ADAM10: variants seen among roughly 807,000 people sequenced by gnomAD.
ADAM10 encodes the protein disintegrin and metalloproteinase domain-containing protein 10.
ADAM10 carries 17 observed loss-of-function variants against 90.1 expected under a neutral mutation model. That is an observed-to-expected ratio of 0.19 (90% CI 0.13 to 0.28). The LOEUF (loss-of-function observed/expected upper bound fraction) is 0.28, where lower values mean the gene tolerates loss of function less well. ADAM10 is among the 10% of genes least tolerant of loss of function. The pLI is 1.00. For missense variants in ADAM10, 610 were observed against 914.3 expected (o/e 0.67, Z 4.29); for synonymous variants, 310 against 298.6 (o/e 1.04, Z -0.40).
At chr15:58,702,067 T>C (rs144510251) in intron 2 of ADAM10, among the ~76,000 whole-genome samples, 51 of 151,992 alleles carry the variant, frequency 3.4e-4, no homozygotes, top group African/African-American at 9.4e-4. Context: ...GATCGCACCA[T>C]TGCACTCCAG....
At chr15:58,696,821 G>A (rs1490737680) in intron 2 of ADAM10, among the ~76,000 whole-genome samples, 3 of 152,048 alleles carry the variant, frequency 2.0e-5, no homozygotes, top group African/African-American at 4.8e-5. Flanking sequence ...GCTGCCTGGG[G>A]ACCACACGAT....
intron 2 of ADAM10, among the ~76,000 whole-genome samples, chr15:58,683,904 T>C (rs1897517203): frequency 7.0e-6 from 1 of 142,514 alleles, no homozygotes; most frequent in Admixed American, 6.9e-5. Context: ...TATAAAGTCA[T>C]CCCTCAGTAT....
intron 2 of ADAM10, among the ~76,000 whole-genome samples, chr15:58,716,379 A>G (rs1227196148): frequency 6.6e-6 from 1 of 152,220 alleles, no homozygotes; most frequent in Non-Finnish European, 1.5e-5. Flanking sequence ...AATGATTCAG[A>G]TAAGTAACTT....
chr15:58,644,226 CTTTTTTTGTTTT>C (rs1199674015), intron 6 of ADAM10, among the ~76,000 whole-genome samples: 4 of 144,820 alleles, frequency 2.8e-5, no homozygotes, highest in South Asian at 2.2e-4. Context: ...TTTTTTTTTT[CTTTTTTTGTTTT>C]TTTTTTTGGA....
At chr15:58,628,245 T>C (rs191396211) in intron 9 of ADAM10, among the ~76,000 whole-genome samples, 4 of 152,088 alleles carry the variant, frequency 2.6e-5, no homozygotes, top group Non-Finnish European at 5.9e-5. Context: ...CTAACACATA[T>C]GTTAAATTAC....
At chr15:58,686,431 G>A (rs1897604680) in intron 2 of ADAM10, 18 of 1,347,040 alleles carry the variant, frequency 1.3e-5, no homozygotes, top group Middle Eastern at 1.8e-4. Context: ...GGGCTAGCGC[G>A]AGCGCCCTGC....
chr15:58,645,972 ACACT>A (rs1235052409), intron 6 of ADAM10, 79 bp downstream of exon 6: 1 of 1,460,560 alleles, frequency 6.8e-7, no homozygotes, highest in Non-Finnish European at 9.5e-7. Context: ...AAAAGAGAAT[ACACT>A]AACTTAAATT....
At position 58,623,503 on chromosome 15, in the gene ADAM10, T is replaced by G. The variant is rs192504358; in HGVS notation, c.1361-1882A>C. ...TCCCTGTTTCACTTTAAACCATCTCTTTCGTTCTCAAAAACCAGAAGCATG... is the reference window on the plus strand; with the variant it reads ...TCCCTGTTTCACTTTAAACCATCTCGTTCGTTCTCAAAAACCAGAAGCATG... On this transcript the variant is annotated intron_variant, in intron 10 of 15. Coordinates refer to ENST00000260408, the MANE Select transcript of ADAM10 (RefSeq NM_001110.4). Among the ~76,000 whole-genome samples the G allele has an allele frequency of 4.7e-4, 72 of 152,278 alleles. No individual in the cohort carries two copies. In the East Asian group the frequency reaches 9.8e-3, roughly 21 times the overall value.
intron 14 of ADAM10, among the ~76,000 whole-genome samples, chr15:58,607,105 G>A (rs1308437176): frequency 6.6e-6 from 1 of 152,172 alleles, no homozygotes; most frequent in African/African-American, 2.4e-5. Flanking sequence ...CTTAGCTTCT[G>A]AGCCATACAG....
intron 4 of ADAM10, among the ~76,000 whole-genome samples, chr15:58,670,303 G>C (rs1897165355): frequency 6.6e-6 from 1 of 152,018 alleles, no homozygotes; most frequent in South Asian, 2.1e-4. Context: ...ATAGGTGTAA[G>C]AGTATAAATC....
intron 2 of ADAM10, among the ~76,000 whole-genome samples, chr15:58,699,728 A>C (rs1293694499): frequency 6.6e-6 from 1 of 152,156 alleles, no homozygotes; most frequent in East Asian, 1.9e-4. Flanking sequence ...GCCATGTGTG[A>C]TTGCACCACT....
At position 58,592,899 on chromosome 15, in the gene ADAM10, G is replaced by A. The variant is rs1894854190; in HGVS notation, c.*4648C>T. On this transcript the variant is annotated 3_prime_UTR_variant, in exon 16 of 16. Transcript: ENST00000260408. ...GGAATTAATTTCATTATTAGGCTGA[G>A]GATTTTCCTAAGAATTGTTTAAAAT... 1.3e-5 allele frequency: 2 copies of A among 150,352 alleles called. No homozygotes were observed. Among genetic ancestry groups the A allele is most frequent in the African/African-American group, 4.9e-5 (2 of 41,134 alleles). 9.3% of individuals were successfully genotyped at this position (150,352 alleles called of 1,614,324 possible). A position where few individuals can be genotyped will look rare whatever the true frequency, so the allele number is the denominator to read the frequency against.
intron 10 of ADAM10, among the ~76,000 whole-genome samples, chr15:58,623,275 G>C (rs966084698): frequency 2.0e-5 from 3 of 152,152 alleles, no homozygotes; most frequent in Admixed American, 1.3e-4. Context: ...AAGGATCTGG[G>C]ACAAAGCCAC....
chr15:58,659,768 G>A (rs956198885), intron 5 of ADAM10, among the ~76,000 whole-genome samples: 11 of 152,006 alleles, frequency 7.2e-5, no homozygotes, highest in East Asian at 3.9e-4. Context: ...TCACTCTGTC[G>A]CCCAGGCTGG....
rs917119252 is a variant in ADAM10 at position 58,590,709 on chromosome 15, G to A, written c.*6838C>T. 6.6e-6 allele frequency: 1 copy of A among 152,012 alleles called. No individual in the cohort carries two copies. Among genetic ancestry groups the A allele is most frequent in the Non-Finnish European group, 1.5e-5 (1 of 67,990 alleles). The allele number at this position is 152,012 out of a possible 1,614,324, so 9.4% of individuals were successfully genotyped here. On this transcript the variant is annotated 3_prime_UTR_variant, in exon 16 of 16. Transcript: ENST00000260408. ...GGCCTGTTGTATTTAGAAACACAAA[G>A]GCTAACTCCCATACCCAAAGGGCAA...
chr15:58,701,017 AAAAAC>A (rs1228620069), intron 2 of ADAM10, among the ~76,000 whole-genome samples: 11 of 128,228 alleles, frequency 8.6e-5, no homozygotes, highest in Admixed American at 7.9e-4. Flanking sequence ...AAAAAAACAA[AAAAAC>A]AAAAAAAAAA....
intron 10 of ADAM10, among the ~76,000 whole-genome samples, chr15:58,623,997 A>AGG (rs58870667): frequency 4.7e-5 from 7 of 148,492 alleles, no homozygotes; most frequent in Non-Finnish European, 7.4e-5. Flanking sequence ...AAAAAAAAAA[A>AGG]GGGGGGGCCA....
intron 4 of ADAM10, among the ~76,000 whole-genome samples, chr15:58,673,484 T>C (rs1897244394): frequency 6.6e-6 from 1 of 151,638 alleles, no homozygotes; most frequent in Non-Finnish European, 1.5e-5. Context: ...CTGAAATAAT[T>C]CATTGTATTT....
At chr15:58,662,409 A>G (rs371088275) in intron 5 of ADAM10, among the ~76,000 whole-genome samples, 90 of 152,262 alleles carry the variant, frequency 5.9e-4, no homozygotes, top group African/African-American at 2.0e-3. Context: ...CATGGATCAC[A>G]GCAGCCTCAA....
Sources: allele counts gnomAD v4.1 joint callset (sites outside exome capture counted in the v4.1 genomes callset), GRCh38; gene constraint gnomAD v4.1.1; transcripts MANE v1.5; gene names NCBI Gene and HGNC (gene_info 2026-07-23, HGNC 2026-07-21).